PITPNM3: variants seen among roughly 807,000 people sequenced by gnomAD.
PITPNM3 encodes the protein membrane-associated phosphatidylinositol transfer protein 3.
PITPNM3 carries 26 observed loss-of-function variants against 102.0 expected under a neutral mutation model. The observed-to-expected ratio is 0.25, with a 90% CI of 0.19 to 0.35. The LOEUF (loss-of-function observed/expected upper bound fraction) is 0.35. Ranked by LOEUF, PITPNM3 falls within the 10% of genes least tolerant of loss-of-function variation. The pLI is 1.00. For synonymous variants in PITPNM3, 578 were observed against 558.6 expected, an observed-to-expected ratio of 1.03 and a Z score of -0.49; for missense variants, 1,083 against 1,346.1, an observed-to-expected ratio of 0.80 and a Z score of 3.06.
Position 6,477,178 on chromosome 17 carries a change from C to A in PITPNM3, c.936G>T (p.Leu312=), listed in dbSNP as rs745927607. 1.5e-5 allele frequency: 25 copies of A among 1,614,064 alleles called. No individual in the cohort carries two copies. The highest frequency in any genetic ancestry group is 1.9e-5 in the Non-Finnish European group (23 of 1,180,034). Residue 312 remains leucine (L), a synonymous_variant, in exon 9 of 20, where the codon CTG becomes CTT. Transcript: ENST00000262483. ...TTTTGCTGAGACGCTTGCTGCTGGCCAGGCTGCAATCTTCCTCCACCGCGA... is the reference window on the plus strand; with the variant it reads ...TTTTGCTGAGACGCTTGCTGCTGGCAAGGCTGCAATCTTCCTCCACCGCGA... ...TPVAVEEDCS[L]ASSKRLSKSN...
chr17:6,501,523 C>T (rs1388358527), intron 4 of PITPNM3, among the ~76,000 whole-genome samples: 1 of 152,168 alleles, frequency 6.6e-6, no homozygotes, highest in Non-Finnish European at 1.5e-5. Context: ...GACACCAGCC[C>T]TAGAGCCTAG....
chr17:6,491,253 G>A (rs1357395601), intron 4 of PITPNM3, among the ~76,000 whole-genome samples: 2 of 151,684 alleles, frequency 1.3e-5, no homozygotes, highest in African/African-American at 4.9e-5. Flanking sequence ...AAGGGCTTAG[G>A]GGCATCTGGG....
intron 3 of PITPNM3, among the ~76,000 whole-genome samples, chr17:6,523,131 C>A (rs919686846): frequency 5.9e-5 from 9 of 152,116 alleles, no homozygotes; most frequent in African/African-American, 2.2e-4. Flanking sequence ...ATAGTACCAA[C>A]CCTCGGACTC....
At chr17:6,507,057 C>A (rs1444650795) in intron 3 of PITPNM3, among the ~76,000 whole-genome samples, 1 of 152,136 alleles carries the variant, frequency 6.6e-6, no homozygotes, top group Non-Finnish European at 1.5e-5. Flanking sequence ...GTATAAGCAC[C>A]TAACCTCAGC....
chr17:6,529,889 G>A (rs1909049985), intron 2 of PITPNM3, among the ~76,000 whole-genome samples: 1 of 151,652 alleles, frequency 6.6e-6, no homozygotes, highest in Non-Finnish European at 1.5e-5. Context: ...CAGACATGTT[G>A]GGGCTGGTTC....
intron 3 of PITPNM3, among the ~76,000 whole-genome samples, chr17:6,506,966 CCCT>C (rs1395665570): frequency 5.9e-5 from 9 of 152,194 alleles, no homozygotes; most frequent in African/African-American, 1.7e-4. Context: ...GAGGTTTTTT[CCCT>C]CTGAATCACC....
At position 6,470,924 on chromosome 17, in the gene PITPNM3, A is replaced by C. The variant is rs541992739; in HGVS notation, c.1624+237T>G. On this transcript the variant is annotated intron_variant, in intron 12 of 19. Transcript: ENST00000262483. This position sits in a 1 kb window ranked among gnomAD's most constrained non-coding sequence, Gnocchi z 4.8. ...AGGGCTCTGTCCAGGGTCAGAGGTCAAGGTTCCTCCAAGGTCAGAGCTCAG... is the reference window on the plus strand; with the variant it reads ...AGGGCTCTGTCCAGGGTCAGAGGTCCAGGTTCCTCCAAGGTCAGAGCTCAG... Among the ~76,000 whole-genome samples, 3 of 152,224 alleles carry C rather than the reference A, an allele frequency of 2.0e-5. No individual in the cohort carries two copies. The highest frequency in any genetic ancestry group is 2.0e-4 in the Admixed American group (3 of 15,294).
At chr17:6,476,767 C>G (rs1905320512) in intron 9 of PITPNM3, among the ~76,000 whole-genome samples, 1 of 152,198 alleles carries the variant, frequency 6.6e-6, no homozygotes, top group African/African-American at 2.4e-5. Context: ...AGCCGAGGCT[C>G]AGAAAAGGAC....
chr17:6,541,104 G>A (rs568802758), intron 1 of PITPNM3, among the ~76,000 whole-genome samples: 1 of 152,296 alleles, frequency 6.6e-6, no homozygotes, highest in East Asian at 1.9e-4. Flanking sequence ...ATGGAACATG[G>A]GAACTCTTCC....
chr17:6,544,891 A>C (rs939830255), intron 1 of PITPNM3, among the ~76,000 whole-genome samples: 2 of 151,980 alleles, frequency 1.3e-5, no homozygotes, highest in African/African-American at 2.4e-5. Flanking sequence ...GCACACATGC[A>C]CTTAGAATCA....
intron 3 of PITPNM3, among the ~76,000 whole-genome samples, chr17:6,520,433 T>C (rs1033744204): frequency 6.6e-6 from 1 of 152,202 alleles, no homozygotes; most frequent in African/African-American, 2.4e-5. Context: ...AATATTATAG[T>C]ACAGGTAAAG....
In PITPNM3 at chr17:6,459,268, T is replaced by C. The variant is rs1367939573; in HGVS notation, c.2491-1546A>G. Reference sequence around the variant, plus strand: ...CATCTGGTGGCCAGTCTTTGTCTACTAGGCAGTTCTCAGCATCCCACACCC... The same window carrying C: ...CATCTGGTGGCCAGTCTTTGTCTACCAGGCAGTTCTCAGCATCCCACACCC... On this transcript the variant is annotated intron_variant, in intron 18 of 19. Transcript: ENST00000262483. This position sits in a 1 kb window ranked among gnomAD's most constrained non-coding sequence, Gnocchi z 5.0. Among the ~76,000 whole-genome samples, 1 of 152,158 alleles carries C rather than the reference T, an allele frequency of 6.6e-6. No homozygotes were observed. Among genetic ancestry groups the C allele is most frequent in the African/African-American group, 2.4e-5 (1 of 41,422 alleles).
In PITPNM3 at chr17:6,451,291, GACA is replaced by G. The variant is rs1913820813; in HGVS notation, c.*4044_*4046del. On this transcript the variant is annotated 3_prime_UTR_variant, in exon 20 of 20. Transcript: ENST00000262483. ...AGGCAAAGAAGGTTTTTATTTAAGT[GACA>G]ACATTTGAGAGCTAAAAACCAGCTC... is the stretch of plus-strand genomic sequence containing the variant. 6.6e-6 allele frequency: 1 copy of G among 152,192 alleles called. No individual in the cohort carries two copies. 9.4% of individuals were successfully genotyped at this position (152,192 alleles called of 1,614,324 possible).
chr17:6,455,531 T>A lies in PITPNM3; in HGVS notation c.2732A>T (p.His911Leu). The change falls in exon 20 of 20, where the codon CAC (histidine) becomes CTC (leucine). Residue 911 changes from histidine to leucine, a missense_variant. His to Leu is a moderately conservative substitution (Grantham distance 99). Coordinates refer to ENST00000262483, the MANE Select transcript of PITPNM3 (RefSeq NM_031220.4). ...MILRKGSFGLHAQPEFLRKRN... is the reference protein window; with the variant it reads ...MILRKGSFGLLAQPEFLRKRN... Reference sequence around the variant, plus strand: ...CTTCCGCAGGAACTCTGGCTGCGCGTGCAGCCCGAAGCTGCCCTTGCGCAG... The same window carrying A: ...CTTCCGCAGGAACTCTGGCTGCGCGAGCAGCCCGAAGCTGCCCTTGCGCAG... 5 of 1,604,956 alleles carry A rather than the reference T, an allele frequency of 3.1e-6. No individual in the cohort carries two copies. Among genetic ancestry groups the A allele is most frequent in the Non-Finnish European group, 4.2e-6 (5 of 1,179,536 alleles).
Position 6,474,543 on chromosome 17 carries a change from G to C in PITPNM3, c.1147C>G (p.Pro383Ala). The change falls in exon 10 of 20, where the codon CCT (proline) becomes GCT (alanine). Residue 383 changes from proline (P) to alanine (A), a missense_variant. Around this residue, in one of 5 missense-constraint regions of PITPNM3, gnomAD observed 172 missense variants for 175.6 expected, o/e 0.98. Transcript: ENST00000262483. ...TCAAAGCGGCCCAGGCTGACCTCAG[G>C]GAGCTGCGGCCCCCCAGCCGCCGGG... ...ETPAAGGPQL[P>A]EVSLGRFDFD... is the part of the protein sequence containing the mutation. 6.2e-7 allele frequency: 1 copy of C among 1,607,300 alleles called. No individual in the cohort carries two copies.
intron 3 of PITPNM3, among the ~76,000 whole-genome samples, chr17:6,515,380 A>AGAGT (rs1000450406): frequency 6.9e-6 from 1 of 145,214 alleles, no homozygotes. Flanking sequence ...CCCGGGCAAC[A>AGAGT]GAGTGAGACT....
At chr17:6,504,044 A>AAC (rs1907343706) in intron 3 of PITPNM3, among the ~76,000 whole-genome samples, 1 of 151,886 alleles carries the variant, frequency 6.6e-6, no homozygotes, top group Non-Finnish European at 1.5e-5. Context: ...GCCACTCCCA[A>AAC]ACACTGCACA....
intron 11 of PITPNM3, among the ~76,000 whole-genome samples, chr17:6,471,797 G>C (rs1905090149): frequency 6.6e-6 from 1 of 152,152 alleles, no homozygotes; most frequent in Non-Finnish European, 1.5e-5. Flanking sequence ...CAGCCTGAGA[G>C]CTAGGATAGC....
rs902334652 is a variant in PITPNM3, at chr17:6,556,191, G to A, written c.22+194C>T. On this transcript the variant is annotated intron_variant, in intron 1 of 19. Transcript: ENST00000262483. The surrounding 1 kb of genome is among the most constrained non-coding windows in gnomAD (Gnocchi z 5.2). Reference sequence around the variant, plus strand: ...CGCGGTGTCCCCCGAGGTGACCGGGGGCGCAGGAAGGACGGGGGGCGCGCG... The same window carrying A: ...CGCGGTGTCCCCCGAGGTGACCGGGAGCGCAGGAAGGACGGGGGGCGCGCG... Among the ~76,000 whole-genome samples the A allele has an allele frequency of 6.6e-6, 1 of 151,932 alleles. No homozygotes were observed. Among genetic ancestry groups the A allele is most frequent in the African/African-American group, 2.4e-5 (1 of 41,422 alleles).
Sources: gnomAD v4.1 joint callset for allele counts (sites outside exome capture counted in the v4.1 genomes callset) on GRCh38, gnomAD v4.1.1 for gene constraint, gnomAD v4.1.1 regional missense constraint, Gnocchi (gnomAD v3.1) non-coding constraint, MANE v1.5 for transcripts, NCBI Gene and HGNC (gene_info 2026-07-23, HGNC 2026-07-21) for gene names.